IMPACT: variants seen among roughly 807,000 people sequenced by gnomAD.
IMPACT encodes impact RWD domain protein.
Under a neutral mutation model 47.5 loss-of-function variants are expected in IMPACT, and 35 were observed. The observed-to-expected ratio is 0.74, with a 90% CI of 0.56 to 0.98. The LOEUF is 0.98. IMPACT is among the 50% of genes least tolerant of loss of function. The probability of loss-of-function intolerance (pLI) is 0.00; values close to 1 mark genes in which losing one functional copy is unlikely to be tolerated. For missense variants in IMPACT, 373 were observed against 394.8 expected, an observed-to-expected ratio of 0.94 and a Z score of 0.47; for synonymous variants, 118 against 125.6, an observed-to-expected ratio of 0.94 and a Z score of 0.40.
At chr18:24,442,320 A>G (rs1490366334) in intron 6 of IMPACT, among the ~76,000 whole-genome samples, 1 of 151,884 alleles carries the variant, frequency 6.6e-6, no homozygotes, top group Non-Finnish European at 1.5e-5. Context: ...TGCCCAGCTA[A>G]TTTTTGTATT....
intron 6 of IMPACT, 61 bp from the exon 7 acceptor site, chr18:24,442,988 A>AT (rs1909155658): frequency 5.8e-6 from 5 of 862,672 alleles, no homozygotes; most frequent in South Asian, 1.6e-5. Context: ...CCCCCATTTC[A>AT]TTTTTTTCAG....
intron 2 of IMPACT, among the ~76,000 whole-genome samples, chr18:24,428,256 T>C (rs953350519): frequency 1.3e-5 from 2 of 152,248 alleles, no homozygotes; most frequent in African/African-American, 4.8e-5. Flanking sequence ...ATGCTTTTAA[T>C]CATTTAAAAG....
intron 8 of IMPACT, among the ~76,000 whole-genome samples, chr18:24,445,853 C>A (rs1022963860): frequency 1.3e-5 from 2 of 151,980 alleles, no homozygotes; most frequent in African/African-American, 2.4e-5. Flanking sequence ...TAACCATTTC[C>A]TTTTAGTTTT....
At chr18:24,446,616 C>T (rs1909256414) in intron 8 of IMPACT, among the ~76,000 whole-genome samples, 1 of 152,166 alleles carries the variant, frequency 6.6e-6, no homozygotes, top group Non-Finnish European at 1.5e-5. Context: ...TCTAGGCTAT[C>T]TGAAACTGAA....
At chr18:24,447,022 C>T (rs560180634) in intron 8 of IMPACT, among the ~76,000 whole-genome samples, 3 of 152,134 alleles carry the variant, frequency 2.0e-5, no homozygotes, top group Non-Finnish European at 4.4e-5. Context: ...TTCTTTATTT[C>T]ACTCCTCTAT....
chr18:24,445,767 A>G (rs1343310075), intron 8 of IMPACT, among the ~76,000 whole-genome samples: 3 of 152,176 alleles, frequency 2.0e-5, no homozygotes, highest in Non-Finnish European at 4.4e-5. Context: ...AAACAAAAGC[A>G]CTTTTTCATA....
At chr18:24,426,918 A>G (rs1362508297) in intron 1 of IMPACT, 126 bp downstream of exon 1, 3 of 621,836 alleles carry the variant, frequency 4.8e-6, no homozygotes, top group East Asian at 7.0e-5. Flanking sequence ...TGGCCACGCC[A>G]TTTGCTCCAC....
rs1251029545 is a variant in IMPACT at position 24,428,031 on chromosome 18, G to T, written c.149G>T (p.Trp50Leu). 1.9e-6 allele frequency: 3 copies of T among 1,578,570 alleles called. No individual in the cohort carries two copies. The highest frequency in any genetic ancestry group is 2.6e-6 in the Non-Finnish European group (3 of 1,168,414). Residue 50 changes from tryptophan to leucine, a missense_variant, in exon 2 of 11, where the codon TGG (tryptophan) becomes TTG (leucine). Physicochemically the swap from Trp to Leu is moderately conservative, Grantham distance 61. Coordinates refer to ENST00000284202, the MANE Select transcript of IMPACT (RefSeq NM_018439.4). The part of the protein sequence containing the change: ...RISDDIDDPK[W>L]TLCLQVMLPN... ...AGCGACGATATAGATGACCCCAAAT[G>T]GACACTTTGCTTGCAGGTACTTTTT... is the stretch of plus-strand genomic sequence containing the variant.
chr18:24,438,521 T>C (rs555895400), intron 5 of IMPACT, among the ~76,000 whole-genome samples: 3 of 152,352 alleles, frequency 2.0e-5, no homozygotes, highest in South Asian at 2.1e-4. Flanking sequence ...TTGACACTTA[T>C]GAAGACTACT....
chr18:24,431,277 T>C (rs1354736736), intron 4 of IMPACT, among the ~76,000 whole-genome samples: 1 of 152,002 alleles, frequency 6.6e-6, no homozygotes, highest in African/African-American at 2.4e-5. Flanking sequence ...ATAATTCCAG[T>C]GAGAGGCCAC....
Position 24,438,014 on chromosome 18 carries a change from T to C in IMPACT, c.341T>C (p.Ile114Thr), listed in dbSNP as rs1347749273. Residue 114 changes from isoleucine (I) to threonine (T), a missense_variant, in exon 5 of 11, where the codon ATA (isoleucine) becomes ACA (threonine). Ile to Thr is a moderately conservative substitution (Grantham distance 89). Coordinates refer to ENST00000284202, the MANE Select transcript of IMPACT (RefSeq NM_018439.4). ...GTGGAGAAAATAAGAGATGTTCTTA[T>C]ACAAAAATCTCAGATGACAGAACCA... ...LWVEKIRDVL[I>T]QKSQMTEPGP... 1.9e-6 allele frequency: 3 copies of C among 1,568,940 alleles called. No individual in the cohort carries two copies. In the South Asian group the frequency reaches 3.4e-5, roughly 18 times the overall value.
rs370931374 is a variant in IMPACT, at chr18:24,428,023, C to T, written c.141C>T (p.Asp47=). Residue 47 remains aspartate (D), a synonymous_variant, in exon 2 of 11, where the codon GAC becomes GAT. Transcript: ENST00000284202. ...FCIRISDDID[D]PKWTLCLQVM... Reference sequence around the variant, plus strand: ...TTAGAATTAGCGACGATATAGATGACCCCAAATGGACACTTTGCTTGCAGG... The same window carrying T: ...TTAGAATTAGCGACGATATAGATGATCCCAAATGGACACTTTGCTTGCAGG... The T allele has an allele frequency of 2.0e-5, 32 of 1,586,114 alleles. No homozygotes were observed. The highest frequency in any genetic ancestry group is 1.9e-4 in the South Asian group (16 of 85,136).
At chr18:24,433,232 G>A (rs1175269961) in intron 4 of IMPACT, among the ~76,000 whole-genome samples, 5 of 114,034 alleles carry the variant, frequency 4.4e-5, no homozygotes, top group Non-Finnish European at 6.5e-5. Flanking sequence ...TCGCTCTGTC[G>A]CCCAGGCCGG....
At chr18:24,450,696 GTAAA>G (rs2144352062) in intron 10 of IMPACT, 79 bp from the exon 11 acceptor site, 1 of 829,170 alleles carries the variant, frequency 1.2e-6, no homozygotes, top group East Asian at 2.5e-5. Context: ...ATATATATGT[GTAAA>G]TATATTCTAA....
At chr18:24,450,059 G>A in intron 10 of IMPACT, 106 bp downstream of exon 10, 1 of 1,255,270 alleles carries the variant, frequency 8.0e-7, no homozygotes, top group Non-Finnish European at 1.1e-6. Context: ...TGGTGAATTG[G>A]TAAAACCTTT....
intron 3 of IMPACT, 49 bp from the exon 4 acceptor site, chr18:24,430,273 A>T (rs1908718030): frequency 7.7e-7 from 1 of 1,302,556 alleles, no homozygotes; most frequent in African/African-American, 1.5e-5. Flanking sequence ...AATTTGAGGT[A>T]TAAACATAAT....
At chr18:24,448,241 A>C in intron 9 of IMPACT, 58 bp downstream of exon 9, 1 of 1,096,100 alleles carries the variant, frequency 9.1e-7, no homozygotes, top group South Asian at 1.4e-5. Context: ...TTTCTCAACA[A>C]AACAGAGCTC....
intron 7 of IMPACT, 63 bp downstream of exon 7, chr18:24,443,215 C>A: frequency 1.4e-6 from 1 of 727,376 alleles, no homozygotes; most frequent in South Asian, 1.8e-5. Context: ...AATGATTTTG[C>A]AATAATCCCC....
chr18:24,431,712 A>T (rs957456810), intron 4 of IMPACT, among the ~76,000 whole-genome samples: 5 of 149,346 alleles, frequency 3.3e-5, no homozygotes, highest in African/African-American at 1.2e-4. Context: ...TTTTTTTAAA[A>T]TTTTTTTGAG....
Sources: allele counts gnomAD v4.1 joint callset (sites outside exome capture counted in the v4.1 genomes callset), GRCh38; gene constraint gnomAD v4.1.1; transcripts MANE v1.5; gene names NCBI Gene and HGNC (gene_info 2026-07-23, HGNC 2026-07-21).